SH3GL3: variants seen among roughly 807,000 people sequenced by gnomAD.
SH3GL3 encodes SH3 domain containing GRB2 like 3, endophilin A3.
SH3GL3 carries 33 observed loss-of-function variants against 47.7 expected under a neutral mutation model. The observed-to-expected ratio is 0.69, with a 90% confidence interval of 0.52 to 0.92. The LOEUF (loss-of-function observed/expected upper bound fraction) is 0.92. Among genes scored for constraint, SH3GL3 ranks in the 40% least tolerant of loss-of-function variants. SH3GL3 has a pLI of 0.00. For missense variants in SH3GL3, 363 were observed against 417.8 expected, an observed-to-expected ratio of 0.87 and a Z score of 1.14; for synonymous variants, 155 against 148.8, an observed-to-expected ratio of 1.04 and a Z score of -0.30.
chr15:83,511,907 C>T lies in SH3GL3; in HGVS notation c.46-47346C>T, dbSNP rs76177096. 5.2e-3 allele frequency among the ~76,000 whole-genome samples: 784 copies of T among 152,204 alleles called. 7 individuals carry two copies. Among genetic ancestry groups the T allele is most frequent in the African/African-American group, 0.018 (747 of 41,526 alleles). On this transcript the variant is annotated intron_variant, in intron 1 of 8. Transcript: ENST00000427482. Reference sequence around the variant, plus strand: ...AGTGCTGCACAAGCTTTCAGGATACCGGGTAAGAGGGGAGTTTGACACTTG... The same window carrying T: ...AGTGCTGCACAAGCTTTCAGGATACTGGGTAAGAGGGGAGTTTGACACTTG...
intron 1 of SH3GL3, among the ~76,000 whole-genome samples, chr15:83,449,008 G>A (rs1324410061): frequency 3.3e-5 from 5 of 152,142 alleles, no homozygotes; most frequent in Admixed American, 3.3e-4. Context: ...TGCAGCTCAG[G>A]GGGTGAGGCT....
rs1330567787 is a variant in SH3GL3, at chr15:83,576,651, A to T, written c.534A>T (p.Ile178=). The change falls in exon 6 of 9, where the codon ATA becomes ATT. Residue 178 remains isoleucine, a synonymous_variant. Transcript: ENST00000427482. ...YDYKKKRVGK[I]PDEEVRQAVE... Reference sequence around the variant, plus strand: ...ATAAAAAGAAACGAGTAGGTAAGATACCAGACGAAGAAGTCAGACAAGCGG... The same window carrying T: ...ATAAAAAGAAACGAGTAGGTAAGATTCCAGACGAAGAAGTCAGACAAGCGG... 2 of 1,613,896 alleles carry T rather than the reference A, an allele frequency of 1.2e-6. No homozygotes were observed. Among genetic ancestry groups the T allele is most frequent in the Non-Finnish European group, 1.7e-6 (2 of 1,179,778 alleles).
At chr15:83,538,699 G>T (rs1338952304) in intron 1 of SH3GL3, among the ~76,000 whole-genome samples, 1 of 152,160 alleles carries the variant, frequency 6.6e-6, no homozygotes, top group African/African-American at 2.4e-5. Flanking sequence ...TATTATGGGA[G>T]CAGTTAATTC....
the SH3GL3 span, among the ~76,000 whole-genome samples, chr15:83,628,432 A>C: frequency 6.6e-6 from 1 of 152,206 alleles, no homozygotes; most frequent in Non-Finnish European, 1.5e-5. Flanking sequence ...AAAGCAATAC[A>C]TGGAGTAATG....
intron 1 of SH3GL3, among the ~76,000 whole-genome samples, chr15:83,528,482 T>G (rs1365593957): frequency 6.6e-6 from 1 of 152,228 alleles, no homozygotes; most frequent in East Asian, 1.9e-4. Context: ...TAGGCTTTGT[T>G]GATTCTTATT....
intron 8 of SH3GL3, among the ~76,000 whole-genome samples, 154 bp from the exon 9 acceptor site, chr15:83,617,928 C>A (rs1410609527): frequency 6.6e-6 from 1 of 152,146 alleles, no homozygotes; most frequent in East Asian, 1.9e-4. Flanking sequence ...AGCCAGAGAC[C>A]ACAAACGGCA....
At chr15:83,591,968 G>A (rs566832426) in intron 8 of SH3GL3, among the ~76,000 whole-genome samples, 1 of 152,200 alleles carries the variant, frequency 6.6e-6, no homozygotes, top group East Asian at 1.9e-4. Flanking sequence ...CCACCAGGCC[G>A]GGCCATGTGT....
At chr15:83,570,040 G>C (rs1385874101) in intron 4 of SH3GL3, among the ~76,000 whole-genome samples, 1 of 151,970 alleles carries the variant, frequency 6.6e-6, no homozygotes, top group East Asian at 1.9e-4. Flanking sequence ...CTTCCTATAT[G>C]GTTTCTAGCT....
intron 1 of SH3GL3, among the ~76,000 whole-genome samples, chr15:83,556,508 T>C (rs1404429722): frequency 6.6e-6 from 1 of 152,242 alleles, no homozygotes; most frequent in African/African-American, 2.4e-5. Context: ...GACATTTTGG[T>C]TTCTGAAAAT....
At chr15:83,484,586 G>GT (rs2041510547) in intron 1 of SH3GL3, among the ~76,000 whole-genome samples, 2 of 151,342 alleles carry the variant, frequency 1.3e-5, no homozygotes, top group Middle Eastern at 3.4e-3. Context: ...TATTTTGGTT[G>GT]TTTTTTTGTA....
At chr15:83,507,075 C>G (rs918632083) in intron 1 of SH3GL3, among the ~76,000 whole-genome samples, 2 of 151,348 alleles carry the variant, frequency 1.3e-5, no homozygotes, top group African/African-American at 2.4e-5. Context: ...GCACGATCTC[C>G]GCTCACTGCA....
At chr15:83,503,046 C>G (rs1596124921) in intron 1 of SH3GL3, among the ~76,000 whole-genome samples, 1 of 151,952 alleles carries the variant, frequency 6.6e-6, no homozygotes, top group Admixed American at 6.6e-5. Context: ...TAATGAAAGT[C>G]CACTGTATTT....
intron 1 of SH3GL3, among the ~76,000 whole-genome samples, chr15:83,538,032 A>G (rs1316008014): frequency 6.6e-6 from 1 of 152,178 alleles, no homozygotes; most frequent in African/African-American, 2.4e-5. Context: ...GAGATTAATT[A>G]ATTTTTTATC....
chr15:83,554,638 T>A (rs912553836), intron 1 of SH3GL3, among the ~76,000 whole-genome samples: 1 of 152,206 alleles, frequency 6.6e-6, no homozygotes, highest in African/African-American at 2.4e-5. Flanking sequence ...TCCACCCGCC[T>A]CAACCTCCCA....
At chr15:83,522,144 G>T (rs531043454) in intron 1 of SH3GL3, among the ~76,000 whole-genome samples, 1 of 152,270 alleles carries the variant, frequency 6.6e-6, no homozygotes, top group East Asian at 1.9e-4. Context: ...GTGCTTGATG[G>T]TAAGCACATC....
At chr15:83,519,966 C>T (rs981938952) in intron 1 of SH3GL3, among the ~76,000 whole-genome samples, 6 of 152,134 alleles carry the variant, frequency 3.9e-5, no homozygotes, top group Non-Finnish European at 5.9e-5. Context: ...AGTTAGCCTG[C>T]CTTAGTGTCA....
intron 5 of SH3GL3, 49 bp from the exon 6 acceptor site, chr15:83,576,534 A>G (rs1367107484): frequency 1.3e-6 from 2 of 1,514,026 alleles, no homozygotes; most frequent in Non-Finnish European, 1.8e-6. Flanking sequence ...TTTTTGTGCC[A>G]GGTTTTGAAT....
intron 8 of SH3GL3, among the ~76,000 whole-genome samples, chr15:83,605,121 C>T (rs571030899): frequency 6.6e-5 from 10 of 152,332 alleles, no homozygotes; most frequent in Admixed American, 3.3e-4. Flanking sequence ...AGATCACAGA[C>T]GTGCAGAAGC....
At chr15:83,587,572 C>T (rs569236927) in intron 7 of SH3GL3, among the ~76,000 whole-genome samples, 2 of 144,270 alleles carry the variant, frequency 1.4e-5, no homozygotes, top group African/African-American at 2.6e-5. Context: ...TTCACCAGTA[C>T]GAATTTCAGG....
Sources: gnomAD v4.1 joint callset for allele counts (sites outside exome capture counted in the v4.1 genomes callset) on GRCh38, gnomAD v4.1.1 for gene constraint, MANE v1.5 for transcripts, NCBI Gene and HGNC (gene_info 2026-07-23, HGNC 2026-07-21) for gene names.